The following LHX8 variants were observed in gnomAD, a reference collection of about 807,000 sequenced individuals.
The protein encoded by LHX8 is LIM homeobox 8, also known as LIM/homeobox protein Lhx8.
In LHX8, 12 loss-of-function variants were observed where a neutral mutation model predicts 40.3. The observed-to-expected ratio is 0.30, with a 90% CI of 0.19 to 0.48. The LOEUF is 0.48. LHX8 is among the 20% of genes least tolerant of loss of function. The pLI is 0.99. For missense variants in LHX8, 344 were observed against 433.7 expected, an observed-to-expected ratio of 0.79 and a Z score of 1.84; for synonymous variants, 179 against 162.0, an observed-to-expected ratio of 1.10 and a Z score of -0.80.
chr1:75,168,403 T>G, the LHX8 span, among the ~76,000 whole-genome samples: 2,616 of 152,086 alleles, frequency 0.017, 76 homozygotes, highest in African/African-American at 0.06. Context: ...TTACATTGTT[T>G]TTTAGTAGAG....
At chr1:75,158,568 G>T (rs1353428109) in intron 8 of LHX8, among the ~76,000 whole-genome samples, 9 of 152,106 alleles carry the variant, frequency 5.9e-5, no homozygotes, top group Non-Finnish European at 7.4e-5. Context: ...TTTTGTGTGT[G>T]GTGTGAGGTA....
the LHX8 span, among the ~76,000 whole-genome samples, chr1:75,184,317 A>G: frequency 7.0e-4 from 106 of 152,362 alleles, no homozygotes; most frequent in African/African-American, 2.5e-3. Context: ...CAGAATATAC[A>G]TTCTTCTCAT....
the LHX8 span, among the ~76,000 whole-genome samples, chr1:75,173,105 C>T: frequency 6.6e-6 from 1 of 152,050 alleles, no homozygotes; most frequent in South Asian, 2.1e-4. Context: ...TTGGGAGATT[C>T]CATTTCCACT....
At chr1:75,137,510 G>T (rs192401183) in intron 3 of LHX8, among the ~76,000 whole-genome samples, 45 of 152,314 alleles carry the variant, frequency 3.0e-4, no homozygotes, top group Non-Finnish European at 4.7e-4. Context: ...CGCGCCGGAT[G>T]TGTGTGGATG....
chr1:75,153,470 T>C (rs779946886), intron 7 of LHX8, among the ~76,000 whole-genome samples: 1 of 152,012 alleles, frequency 6.6e-6, no homozygotes, highest in Non-Finnish European at 1.5e-5. Context: ...TAGAGTGCAA[T>C]GGTGCAGTCT....
chr1:75,136,246 T>C (rs1648122763), intron 1 of LHX8, among the ~76,000 whole-genome samples: 1 of 150,198 alleles, frequency 6.7e-6, no homozygotes, highest in Non-Finnish European at 1.5e-5. Context: ...TGTTCCCCGC[T>C]CCGCTATGAT....
upstream of LHX8, among the ~76,000 whole-genome samples, chr1:75,129,478 G>C (rs1022535731): frequency 6.6e-6 from 1 of 152,160 alleles, no homozygotes; most frequent in African/African-American, 2.4e-5. Flanking sequence ...AGTTACACCG[G>C]AGGTGGAAGT....
chr1:75,182,755 G>A, the LHX8 span, among the ~76,000 whole-genome samples: 5 of 152,288 alleles, frequency 3.3e-5, no homozygotes, highest in East Asian at 9.7e-4. Flanking sequence ...GTAATGTTAT[G>A]CCTCTAGGTT....
upstream of LHX8, among the ~76,000 whole-genome samples, chr1:75,133,556 A>G (rs1425043465): frequency 6.6e-6 from 1 of 152,262 alleles, no homozygotes; most frequent in East Asian, 1.9e-4. Flanking sequence ...AGCTTTTTAA[A>G]TGGAAACAAA....
At chr1:75,142,009 G>A (rs1648326412) in intron 4 of LHX8, among the ~76,000 whole-genome samples, 1 of 151,984 alleles carries the variant, frequency 6.6e-6, no homozygotes, top group African/African-American at 2.4e-5. Flanking sequence ...TAAAATCACA[G>A]AATTTTATAA....
At chr1:75,169,095 A>T in the LHX8 span, among the ~76,000 whole-genome samples, 1 of 151,962 alleles carries the variant, frequency 6.6e-6, no homozygotes, top group Non-Finnish European at 1.5e-5. Context: ...CTTGAAGGGC[A>T]CTTTTCATGG....
intron 6 of LHX8, among the ~76,000 whole-genome samples, chr1:75,147,966 T>A (rs1207750504): frequency 6.6e-6 from 1 of 152,226 alleles, no homozygotes; most frequent in African/African-American, 2.4e-5. Flanking sequence ...GTGGTTTCAA[T>A]CCAAAGGCTT....
chr1:75,168,740 C>T, the LHX8 span, among the ~76,000 whole-genome samples: 1 of 152,180 alleles, frequency 6.6e-6, no homozygotes, highest in Non-Finnish European at 1.5e-5. Flanking sequence ...ACAGGGTCTG[C>T]TTTCAAGTAG....
downstream of LHX8, among the ~76,000 whole-genome samples, chr1:75,163,288 A>C (rs1022311446): frequency 6.6e-6 from 1 of 152,190 alleles, no homozygotes; most frequent in Non-Finnish European, 1.5e-5. Context: ...GAAAGCTGAT[A>C]GCTGTAGTAT....
downstream of LHX8, among the ~76,000 whole-genome samples, chr1:75,162,065 AG>A (rs1041059102): frequency 5.3e-5 from 8 of 152,164 alleles, no homozygotes; most frequent in African/African-American, 1.7e-4. Flanking sequence ...TTTAGAACTT[AG>A]GTTTAAGTCT....
intron 8 of LHX8, chr1:75,159,520 A>T (rs995120860): frequency 6.6e-6 from 1 of 152,032 alleles, no homozygotes; most frequent in Non-Finnish European, 1.5e-5. Flanking sequence ...TCATCCACCG[A>T]CTTCTTAATT....
At chr1:75,168,732 A>AG in the LHX8 span, among the ~76,000 whole-genome samples, 1 of 152,206 alleles carries the variant, frequency 6.6e-6, no homozygotes, top group Non-Finnish European at 1.5e-5. Flanking sequence ...GAAAGCTCAC[A>AG]GGGTCTGCTT....
At chr1:75,136,320 G>C (rs887639120) in intron 1 of LHX8, among the ~76,000 whole-genome samples, 5 of 152,058 alleles carry the variant, frequency 3.3e-5, no homozygotes, top group African/African-American at 9.7e-5. Context: ...TCCCCGGCGG[G>C]GGGGCGGGGA....
downstream of LHX8, among the ~76,000 whole-genome samples, chr1:75,164,039 A>C (rs974662857): frequency 3.3e-5 from 5 of 152,194 alleles, no homozygotes; most frequent in East Asian, 7.7e-4. Flanking sequence ...TTCATAAATT[A>C]CCCTGTCTGA....
Sources: allele counts gnomAD v4.1 joint callset (sites outside exome capture counted in the v4.1 genomes callset), GRCh38; gene constraint gnomAD v4.1.1; transcripts MANE v1.5; gene names NCBI Gene and HGNC (gene_info 2026-07-23, HGNC 2026-07-21).